The following CSTA variants were observed in gnomAD, a reference collection of about 807,000 sequenced individuals.
CSTA encodes the protein cystatin-A.
A neutral mutation model predicts 9.2 loss-of-function variants in CSTA; 9 were observed. That is an observed-to-expected ratio of 0.97 (90% CI 0.59 to 1.70). The LOEUF is 1.70. CSTA is among the 40% of genes most tolerant of loss of function. CSTA has a pLI of 0.00. For missense variants in CSTA, 118 were observed against 113.1 expected (o/e 1.04, Z -0.20); for synonymous variants, 36 against 40.6 (o/e 0.89, Z 0.43).
rs766889243 is a variant in CSTA at position 122,337,667 on chromosome 3, C to T, written c.168+19C>T. 2.9e-6 allele frequency: 4 copies of T among 1,395,304 alleles called. No individual in the cohort carries two copies. The highest frequency in any genetic ancestry group is 4.1e-6 in the Non-Finnish European group (4 of 979,824). 86.4% of individuals were successfully genotyped at this position (1,395,304 alleles called of 1,614,324 possible). Reference sequence around the variant, plus strand: ...CATTAAGGTTAGAGTTCAGCACCTACTTTAGCGCCAAAAGATGTATTTCTC... The same window carrying T: ...CATTAAGGTTAGAGTTCAGCACCTATTTTAGCGCCAAAAGATGTATTTCTC... On this transcript the variant is annotated intron_variant, in intron 2 of 2. Transcript: ENST00000264474.
chr3:122,327,339 C>T (rs1180422821), intron 1 of CSTA, among the ~76,000 whole-genome samples: 2 of 151,650 alleles, frequency 1.3e-5, no homozygotes, highest in Non-Finnish European at 2.9e-5. Flanking sequence ...ACCATCCTGG[C>T]TAACACAGTG....
intron 1 of CSTA, among the ~76,000 whole-genome samples, chr3:122,337,029 T>C (rs948862102): frequency 6.6e-6 from 1 of 152,166 alleles, no homozygotes; most frequent in Non-Finnish European, 1.5e-5. Flanking sequence ...AAAAGAGACA[T>C]TTTCAGGAAA....
intron 1 of CSTA, among the ~76,000 whole-genome samples, chr3:122,333,583 GA>G (rs1273989477): frequency 1.7e-5 from 2 of 116,702 alleles, no homozygotes; most frequent in African/African-American, 3.5e-5. Flanking sequence ...AAGAAAGAAA[GA>G]AAGAAAGAAG....
chr3:122,339,435 G>A (rs184505365), intron 2 of CSTA, among the ~76,000 whole-genome samples: 207 of 152,226 alleles, frequency 1.4e-3, no homozygotes, highest in Non-Finnish European at 2.5e-3. Context: ...TGAGTTCCAG[G>A]GTGGTGAAGA....
At chr3:122,340,492 C>T (rs1305841910) in intron 2 of CSTA, among the ~76,000 whole-genome samples, 1 of 152,070 alleles carries the variant, frequency 6.6e-6, no homozygotes, top group Non-Finnish European at 1.5e-5. Flanking sequence ...TTAGTAGAGA[C>T]CAGATTTCAC....
At chr3:122,334,859 C>T (rs945777956) in intron 1 of CSTA, among the ~76,000 whole-genome samples, 1 of 152,168 alleles carries the variant, frequency 6.6e-6, no homozygotes, top group African/African-American at 2.4e-5. Context: ...CAAGCAGATT[C>T]ACACTGCAGA....
chr3:122,333,588 AAAG>A (rs1399056883), intron 1 of CSTA, among the ~76,000 whole-genome samples: 19 of 145,694 alleles, frequency 1.3e-4, no homozygotes, highest in Non-Finnish European at 2.6e-4. Context: ...AGAAAGAAAG[AAAG>A]AAGAAAGAGA....
At chr3:122,329,046 A>G (rs2075187057) in intron 1 of CSTA, among the ~76,000 whole-genome samples, 1 of 150,652 alleles carries the variant, frequency 6.6e-6, no homozygotes, top group African/African-American at 2.4e-5. Flanking sequence ...GCTCACTGCA[A>G]GCTCCGCCTC....
intron 2 of CSTA, among the ~76,000 whole-genome samples, chr3:122,339,901 G>A (rs892665045): frequency 6.6e-6 from 1 of 152,190 alleles, no homozygotes; most frequent in African/African-American, 2.4e-5. Context: ...GATGCTAGAG[G>A]CTAACAGATC....
chr3:122,337,760 G>A (rs1263809140), intron 2 of CSTA, 112 bp downstream of exon 2: 13 of 840,008 alleles, frequency 1.5e-5, no homozygotes, highest in Non-Finnish European at 2.5e-5. Context: ...CCTAAATTAA[G>A]ATGCCCAGCA....
chr3:122,339,080 G>A (rs73855767), intron 2 of CSTA, among the ~76,000 whole-genome samples: 128 of 152,188 alleles, frequency 8.4e-4, no homozygotes, highest in African/African-American at 3.0e-3. Context: ...TTAAGGTCTT[G>A]CCAGTGATGT....
chr3:122,341,533 A>G lies in CSTA; in HGVS notation c.263A>G (p.Asp88Gly). The G allele has an allele frequency of 6.2e-7, 1 of 1,614,176 alleles. No individual in the cohort carries two copies. The highest frequency in any genetic ancestry group is 8.5e-7 in the Non-Finnish European group (1 of 1,180,012). Residue 88 changes from aspartate to glycine, a missense_variant, in exon 3 of 3, where the codon GAC becomes GGC. Physicochemically the swap from Asp to Gly is moderately conservative, Grantham distance 94. Transcript: ENST00000264474. ...EDLVLTGYQV[D>G]KNKDDELTGF is the part of the protein sequence containing the mutation. ...TTGGTACTTACTGGATACCAGGTTG[A>G]CAAAAACAAGGATGACGAGCTGACG...
At chr3:122,330,343 C>A (rs2107665761) in intron 1 of CSTA, among the ~76,000 whole-genome samples, 1 of 152,138 alleles carries the variant, frequency 6.6e-6, no homozygotes, top group Admixed American at 6.5e-5. Flanking sequence ...AGTGGAAGGC[C>A]AACTGAAGAA....
intron 1 of CSTA, among the ~76,000 whole-genome samples, chr3:122,327,989 G>A (rs931529821): frequency 6.6e-6 from 1 of 152,118 alleles, no homozygotes; most frequent in African/African-American, 2.4e-5. Flanking sequence ...TGTGTGGCAG[G>A]GAGGAAGCTG....
intron 1 of CSTA, among the ~76,000 whole-genome samples, chr3:122,328,557 TTGAC>T (rs1224913127): frequency 6.6e-6 from 1 of 151,190 alleles, no homozygotes; most frequent in Non-Finnish European, 1.5e-5. Context: ...CCCCCAGTGT[TTGAC>T]TGCCTGCCCT....
Position 122,333,444 on chromosome 3 carries a change from G to A in CSTA, c.67-4103G>A, listed in dbSNP as rs1195639001. On this transcript the variant is annotated intron_variant, in intron 1 of 2. Coordinates refer to ENST00000264474, the MANE Select transcript of CSTA (RefSeq NM_005213.4). ...GAGAATTGCTTAAACCCAGGAGGGA[G>A]AGGTTGTAGTGAGCTGAGATTGTGC... 3.3e-5 allele frequency among the ~76,000 whole-genome samples: 5 copies of A among 152,006 alleles called. No individual in the cohort carries two copies. In the East Asian group the frequency reaches 7.7e-4, roughly 23 times the overall value.
At chr3:122,325,708 G>C (rs9811434) in intron 1 of CSTA, among the ~76,000 whole-genome samples, 1 of 152,116 alleles carries the variant, frequency 6.6e-6, no homozygotes, top group African/African-American at 2.4e-5. Flanking sequence ...TGAAGCCAAC[G>C]TGTAATTGAA....
Position 122,341,672 on chromosome 3 carries a change from T to A in CSTA, c.*105T>A. On this transcript the variant is annotated 3_prime_UTR_variant, in exon 3 of 3. Transcript: ENST00000264474. ...AAGAAGCATTCTTTTCCAAAGAAATTATTTCTTCAATTATTTCTCATTTAT... is the reference window on the plus strand; with the variant it reads ...AAGAAGCATTCTTTTCCAAAGAAATAATTTCTTCAATTATTTCTCATTTAT... 7.4e-7 allele frequency: 1 copy of A among 1,356,244 alleles called. No homozygotes were observed. The highest frequency in any genetic ancestry group is 1.0e-6 in the Non-Finnish European group (1 of 960,486). 84.0% of individuals were successfully genotyped at this position (1,356,244 alleles called of 1,614,324 possible). A position where few individuals can be genotyped will look rare whatever the true frequency, so the allele number is the denominator to read the frequency against.
chr3:122,333,587 G>GAAAGAAAGAAAGAAAGAAAGAA (rs1488236818), intron 1 of CSTA, among the ~76,000 whole-genome samples: 1 of 119,024 alleles, frequency 8.4e-6, no homozygotes. Context: ...AAGAAAGAAA[G>GAAAGAAAGAAAGAAAGAAAGAA]AAAGAAGAAA....
Sources: allele counts gnomAD v4.1 joint callset (sites outside exome capture counted in the v4.1 genomes callset), GRCh38; gene constraint gnomAD v4.1.1; transcripts MANE v1.5; gene names NCBI Gene and HGNC (gene_info 2026-07-23, HGNC 2026-07-21).